R3HDM2: variants seen among roughly 807,000 people sequenced by gnomAD.
R3HDM2 encodes R3H domain-containing protein 2.
A neutral mutation model predicts 124.5 loss-of-function variants in R3HDM2; 38 were observed. The ratio of observed to expected loss-of-function variants is 0.31; its 90% CI spans 0.24 to 0.40. R3HDM2 has a LOEUF of 0.40. Among genes scored for constraint, R3HDM2 ranks in the 10% least tolerant of loss-of-function variants. R3HDM2 has a pLI of 1.00. For missense variants in R3HDM2, 869 were observed against 1,236.9 expected (o/e 0.70, Z 4.46); for synonymous variants, 391 against 448.0 (o/e 0.87, Z 1.61).
intron 1 of R3HDM2, chr12:57,430,465 G>GGCCACAGGTGGC: frequency 1.1e-6 from 1 of 948,180 alleles, no homozygotes; most frequent in Non-Finnish European, 1.3e-6. Flanking sequence ...ACCCCGCAAA[G>GGCCACAGGTGGC]GCCACAGGTG....
intron 14 of R3HDM2, among the ~76,000 whole-genome samples, chr12:57,273,063 A>G (rs1289018807): frequency 6.6e-6 from 1 of 152,072 alleles, no homozygotes; most frequent in African/African-American, 2.4e-5. Context: ...ATTTCACACC[A>G]CAGCTCTCCT....
intron 1 of R3HDM2, among the ~76,000 whole-genome samples, chr12:57,408,904 T>C (rs977598235): frequency 1.3e-5 from 2 of 151,814 alleles, no homozygotes; most frequent in Admixed American, 6.6e-5. Context: ...TTTTGTATAC[T>C]AATCTTTAAA....
chr12:57,269,161 T>C (rs1355939618), intron 16 of R3HDM2, 79 bp from the exon 17 acceptor site: 11 of 1,570,190 alleles, frequency 7.0e-6, no homozygotes, highest in Admixed American at 5.2e-5. Flanking sequence ...CCTTCTCCAT[T>C]CTATTTTATC....
At chr12:57,376,745 T>G (rs1213911532) in intron 2 of R3HDM2, among the ~76,000 whole-genome samples, 1 of 151,656 alleles carries the variant, frequency 6.6e-6, no homozygotes, top group Non-Finnish European at 1.5e-5. Flanking sequence ...AGGTCAGGAG[T>G]TTGACACCAG....
At chr12:57,421,176 T>C (rs2070150920) in intron 1 of R3HDM2, among the ~76,000 whole-genome samples, 2 of 149,364 alleles carry the variant, frequency 1.3e-5, no homozygotes, top group Admixed American at 6.8e-5. Flanking sequence ...TTTTTTTTTT[T>C]TTTCTGAGAC....
intron 2 of R3HDM2, among the ~76,000 whole-genome samples, chr12:57,380,533 C>T (rs887522376): frequency 2.6e-5 from 4 of 152,206 alleles, no homozygotes; most frequent in Non-Finnish European, 5.9e-5. Context: ...AGTCCCCATA[C>T]TAGCCTGGGT....
chr12:57,270,059 T>A (rs534117871), intron 14 of R3HDM2, 65 bp from the exon 15 acceptor site: 6 of 1,567,280 alleles, frequency 3.8e-6, no homozygotes, highest in Non-Finnish European at 5.2e-6. Flanking sequence ...GGCTTCAACA[T>A]AGACAGAGAG....
At position 57,323,837 on chromosome 12, in the gene R3HDM2, A is replaced by G. The variant is rs140255867; in HGVS notation, c.-35-13374T>C. Among the ~76,000 whole-genome samples, 1,192 of 152,312 alleles carry G rather than the reference A, an allele frequency of 7.8e-3. 14 individuals carry two copies. The highest frequency in any genetic ancestry group is 0.014 in the Non-Finnish European group (933 of 68,016). ...TAAAGTGGAACAGAACAAACCGAAT[A>G]GCCTCCTCTTTCAAACAAAGAGGAG... On this transcript the variant is annotated intron_variant, in intron 2 of 23. Coordinates refer to ENST00000402412, the MANE Select transcript of R3HDM2 (RefSeq NM_001394031.1).
At chr12:57,263,365 G>T (rs2041379490) in intron 19 of R3HDM2, among the ~76,000 whole-genome samples, 1 of 152,192 alleles carries the variant, frequency 6.6e-6, no homozygotes, top group African/African-American at 2.4e-5. Flanking sequence ...AAGGCCAAGT[G>T]CCCCTGGCAG....
intron 1 of R3HDM2, among the ~76,000 whole-genome samples, chr12:57,409,240 T>C (rs560002143): frequency 1.5e-4 from 23 of 152,216 alleles, no homozygotes; most frequent in Admixed American, 8.5e-4. Flanking sequence ...ATCACCCCAA[T>C]AGCCACTCTG....
At chr12:57,335,801 C>T (rs1338139766) in intron 2 of R3HDM2, among the ~76,000 whole-genome samples, 1 of 151,758 alleles carries the variant, frequency 6.6e-6, no homozygotes, top group East Asian at 1.9e-4. Context: ...GGCATGGTGG[C>T]TCACCGTTGC....
intron 1 of R3HDM2, among the ~76,000 whole-genome samples, chr12:57,398,302 A>C (rs886863989): frequency 1.3e-5 from 2 of 152,188 alleles, no homozygotes; most frequent in Non-Finnish European, 2.9e-5. Flanking sequence ...ATAAGCACTG[A>C]AACAGTTTTC....
chr12:57,288,284 G>A (rs900106822), intron 12 of R3HDM2, among the ~76,000 whole-genome samples: 1 of 152,002 alleles, frequency 6.6e-6, no homozygotes, highest in African/African-American at 2.4e-5. Context: ...GATTACAGGC[G>A]TGAGTCACCG....
chr12:57,305,157 C>T (rs529129671), intron 3 of R3HDM2, among the ~76,000 whole-genome samples: 36 of 152,038 alleles, frequency 2.4e-4, no homozygotes, highest in South Asian at 1.9e-3. Flanking sequence ...TGCACTCCAG[C>T]CTGAGCAACA....
intron 4 of R3HDM2, among the ~76,000 whole-genome samples, chr12:57,302,008 C>T (rs906049606): frequency 9.9e-5 from 15 of 152,140 alleles, no homozygotes; most frequent in Non-Finnish European, 2.1e-4. Context: ...TAGCTGAGTG[C>T]GGTGGCTCAT....
chr12:57,348,106 A>G (rs931525511), intron 2 of R3HDM2, among the ~76,000 whole-genome samples: 2 of 152,182 alleles, frequency 1.3e-5, no homozygotes, highest in Non-Finnish European at 2.9e-5. Context: ...GTATCAAAAT[A>G]TATCACTGTA....
At chr12:57,325,850 T>C (rs2057246512) in intron 2 of R3HDM2, among the ~76,000 whole-genome samples, 1 of 149,872 alleles carries the variant, frequency 6.7e-6, no homozygotes, top group Admixed American at 6.6e-5. Flanking sequence ...GTTTTTTCTT[T>C]TCTTTTTTTT....
chr12:57,375,725 T>G (rs958542307), intron 2 of R3HDM2, among the ~76,000 whole-genome samples: 3 of 147,590 alleles, frequency 2.0e-5, no homozygotes, highest in Admixed American at 7.0e-5. Context: ...CAGGCTGGAG[T>G]GCAGCGGTGC....
chr12:57,422,139 C>T (rs1798710), intron 1 of R3HDM2, among the ~76,000 whole-genome samples: 1 of 150,070 alleles, frequency 6.7e-6, no homozygotes, highest in African/African-American at 2.5e-5. Context: ...ATCTATCCCT[C>T]TGCACTTGCA....
Sources: gnomAD v4.1 joint callset for allele counts (sites outside exome capture counted in the v4.1 genomes callset) on GRCh38, gnomAD v4.1.1 for gene constraint, MANE v1.5 for transcripts, NCBI Gene and HGNC (gene_info 2026-07-23, HGNC 2026-07-21) for gene names.